Variants in IFT20 observed in about 807,000 individuals in gnomAD.
IFT20 encodes the protein intraflagellar transport protein 20 homolog.
Under a neutral mutation model 16.9 loss-of-function variants are expected in IFT20, and 4 were observed. That is an observed-to-expected ratio of 0.24 (90% CI 0.12 to 0.54). The LOEUF (loss-of-function observed/expected upper bound fraction) is 0.54. IFT20 is among the 20% of genes least tolerant of loss of function. IFT20 has a pLI of 0.95. For missense variants in IFT20, 154 were observed against 149.7 expected (o/e 1.03, Z -0.15); for synonymous variants, 48 against 49.9 (o/e 0.96, Z 0.16).
At chr17:28,328,962 A>G (rs1161978639) in intron 4 of IFT20, 5 of 616,324 alleles carry the variant, frequency 8.1e-6, no homozygotes, top group Admixed American at 3.3e-5. Flanking sequence ...TTCATGCTCA[A>G]ACTACTAGAG....
intron 1 of IFT20, among the ~76,000 whole-genome samples, chr17:28,334,739 G>C (rs1454936878): frequency 3.3e-5 from 5 of 152,236 alleles, no homozygotes; most frequent in Admixed American, 3.3e-4. Context: ...CAGTAACCAA[G>C]GCTGGCAGCC....
rs1161843907 is a variant in IFT20, at chr17:28,328,708, A to G, written c.343T>C (p.Cys115Arg). Reference sequence around the variant, plus strand: ...TCATTTTGTTCTGCTTCTACTTTACACAAAGCTTCATATTCAACCCGATAC... The same window carrying G: ...TCATTTTGTTCTGCTTCTACTTTACGCAAAGCTTCATATTCAACCCGATAC... ...ERYRVEYEAL[C>R]KVEAEQNEFI... is the part of the protein sequence containing the mutation. The change falls in exon 5 of 5, where the codon TGT becomes CGT. Residue 115 changes from cysteine (C) to arginine (R), a missense_variant. Physicochemically the swap from Cys to Arg is radical, Grantham distance 180. Coordinates refer to ENST00000395418, the MANE Select transcript of IFT20 (RefSeq NM_001267776.2). 1 of 1,602,468 alleles carries G rather than the reference A, an allele frequency of 6.2e-7. No homozygotes were observed. The highest frequency in any genetic ancestry group is 1.3e-5 in the African/African-American group (1 of 74,118).
At chr17:28,332,197 T>G in intron 1 of IFT20, 1 of 1,536,952 alleles carries the variant, frequency 6.5e-7, no homozygotes, top group Non-Finnish European at 8.7e-7. Flanking sequence ...GGAGTGACAG[T>G]GGCAGTCAGG....
Position 28,329,295 on chromosome 17 carries a change from AGGC to A in IFT20, c.214-22_214-20del. 1 of 1,596,246 alleles carries A rather than the reference AGGC, an allele frequency of 6.3e-7. No individual in the cohort carries two copies. Among genetic ancestry groups the A allele is most frequent in the South Asian group, 1.1e-5 (1 of 90,216 alleles). Reference sequence around the variant, plus strand: ...CGATGGCCTACAGTATTGCCAGAGAAGGCCATGGCTTCATTAAAACCATCTACA... The same window carrying A: ...CGATGGCCTACAGTATTGCCAGAGAACATGGCTTCATTAAAACCATCTACA... On this transcript the variant is annotated intron_variant, in intron 3 of 4. Coordinates refer to ENST00000395418, the MANE Select transcript of IFT20 (RefSeq NM_001267776.2).
At position 28,329,000 on chromosome 17, in the gene IFT20, T is replaced by C. The variant is rs544995466; in HGVS notation, c.317+173A>G. The C allele has an allele frequency of 4.8e-5, 30 of 624,900 alleles. No individual in the cohort carries two copies. In the South Asian group the frequency reaches 5.4e-4, roughly 11 times the overall value. 38.7% of individuals were successfully genotyped at this position (624,900 alleles called of 1,614,324 possible). A position where few individuals can be genotyped will look rare whatever the true frequency, so the allele number is the denominator to read the frequency against. ...GGTTTGATATTAACAAGTTTTCTAT[T>C]TCCTTCCCATCAAATGTAATTTTAT... On this transcript the variant is annotated intron_variant, in intron 4 of 4. Coordinates refer to ENST00000395418, the MANE Select transcript of IFT20 (RefSeq NM_001267776.2).
At chr17:28,333,231 C>T (rs1906915198) in intron 1 of IFT20, among the ~76,000 whole-genome samples, 1 of 152,240 alleles carries the variant, frequency 6.6e-6, no homozygotes, top group Non-Finnish European at 1.5e-5. Flanking sequence ...CCTGGACTTG[C>T]ACCAGCCCCT....
At chr17:28,330,104 C>T in intron 3 of IFT20, 2 of 573,916 alleles carry the variant, frequency 3.5e-6, no homozygotes, top group Non-Finnish European at 6.1e-6. Context: ...GGTGTGGTGG[C>T]ACACACCTGT....
chr17:28,331,463 C>T (rs1567781198), intron 2 of IFT20: 1 of 172,664 alleles, frequency 5.8e-6, no homozygotes, highest in Non-Finnish European at 1.2e-5. Context: ...CTAGAAACTT[C>T]ACCTATCACT....
intron 1 of IFT20, among the ~76,000 whole-genome samples, chr17:28,333,106 C>CACACACACACACACACACACAA (rs3222917): frequency 1.3e-5 from 2 of 150,834 alleles, no homozygotes; most frequent in African/African-American, 4.9e-5. Flanking sequence ...CACACACACA[C>CACACACACACACACACACACAA]AATTAAACAT....
intron 1 of IFT20, among the ~76,000 whole-genome samples, chr17:28,334,049 C>T (rs1906966171): frequency 6.6e-6 from 1 of 152,204 alleles, no homozygotes; most frequent in Non-Finnish European, 1.5e-5. Context: ...CACCCCCTTC[C>T]CTGAGAGCAT....
At chr17:28,332,134 T>C in intron 1 of IFT20, 147 bp from the exon 2 acceptor site, 4 of 1,558,214 alleles carry the variant, frequency 2.6e-6, no homozygotes, top group South Asian at 1.2e-5. Flanking sequence ...CCACCACCTC[T>C]CTGAGCCTCA....
chr17:28,329,280 C>T lies in IFT20; in HGVS notation c.214-4G>A. On this transcript the variant is annotated splice_polypyrimidine_tract_variant and splice_region_variant and intron_variant, in intron 3 of 4. Coordinates refer to ENST00000395418, the MANE Select transcript of IFT20 (RefSeq NM_001267776.2). ...GCAAGTTCCGAGCACCGATGGCCTA[C>T]AGTATTGCCAGAGAAGGCCATGGCT... 1.9e-6 allele frequency: 3 copies of T among 1,611,278 alleles called. No individual in the cohort carries two copies. Among genetic ancestry groups the T allele is most frequent in the Non-Finnish European group, 2.5e-6 (3 of 1,178,230 alleles).
intron 2 of IFT20, 166 bp downstream of exon 2, chr17:28,331,693 G>C (rs1450443813): frequency 1.0e-5 from 8 of 773,896 alleles, no homozygotes; most frequent in African/African-American, 6.9e-5. Context: ...GGACACATGA[G>C]AGCACAAGAG....
At chr17:28,330,207 G>A (rs1164758448) in intron 3 of IFT20, 1 of 609,052 alleles carries the variant, frequency 1.6e-6, no homozygotes, top group African/African-American at 1.9e-5. Flanking sequence ...GTGCACTCCA[G>A]CCTGGGTGAC....
rs1555576033 is a variant in IFT20 at position 28,329,207 on chromosome 17, C to T, written c.283G>A (p.Ala95Thr). 1 of 1,614,096 alleles carries T rather than the reference C, an allele frequency of 6.2e-7. No homozygotes were observed. Among genetic ancestry groups the T allele is most frequent in the East Asian group, 2.2e-5 (1 of 44,874 alleles). Residue 95 changes from alanine to threonine, a missense_variant, in exon 4 of 5, where the codon GCC (alanine) becomes ACC (threonine). Physicochemically the swap from Ala to Thr is moderately conservative, Grantham distance 58. Coordinates refer to ENST00000395418, the MANE Select transcript of IFT20 (RefSeq NM_001267776.2). ...QREAQQQQLQ[A>T]LIAEKKMQLE... ...TGCATTTTCTTTTCTGCTATTAGGG[C>T]TTGAAGTTGCTGCTGTTGAGCTTCT...
At chr17:28,331,829 T>C (rs782186325) in intron 2 of IFT20, 30 bp downstream of exon 2, 1 of 1,613,804 alleles carries the variant, frequency 6.2e-7, no homozygotes, top group South Asian at 1.1e-5. Context: ...AGCTCAAAGC[T>C]GAGTGGCACT....
At chr17:28,334,858 T>C (rs1907031715) in intron 1 of IFT20, among the ~76,000 whole-genome samples, 1 of 152,202 alleles carries the variant, frequency 6.6e-6, no homozygotes, top group South Asian at 2.1e-4. Context: ...AAGTCAGGCA[T>C]GACTCCCATG....
rs189726632 is a variant in IFT20 at position 28,330,248 on chromosome 17, A to T, written c.213+195T>A. ...AAGACTCTGTCTCAAAAAAAAAAAA[A>T]AAATAAAGATTAAAGGAAATAAAGA... is the stretch of plus-strand genomic sequence containing the variant. On this transcript the variant is annotated intron_variant, in intron 3 of 4. Transcript: ENST00000395418. The T allele has an allele frequency of 1.2e-3, 750 of 617,630 alleles. 1 individual carries two copies. The highest frequency in any genetic ancestry group is 4.5e-3 in the Admixed American group (153 of 34,342). The allele number at this position is 617,630 out of a possible 1,614,324, so 38.3% of individuals were successfully genotyped here.
intron 3 of IFT20, 32 bp from the exon 4 acceptor site, chr17:28,329,308 A>G (rs782196023): frequency 1.1e-5 from 17 of 1,547,278 alleles, no homozygotes; most frequent in Non-Finnish European, 1.2e-5. Context: ...CCATGGCTTC[A>G]TTAAAACCAT....
Sources: allele counts gnomAD v4.1 joint callset (sites outside exome capture counted in the v4.1 genomes callset), GRCh38; gene constraint gnomAD v4.1.1; transcripts MANE v1.5; gene names NCBI Gene and HGNC (gene_info 2026-07-23, HGNC 2026-07-21).